CRYBA4: variants seen among roughly 807,000 people sequenced by gnomAD.
CRYBA4 encodes the protein beta-crystallin A4.
Under a neutral mutation model 31.7 loss-of-function variants are expected in CRYBA4, and 30 were observed. The observed-to-expected ratio is 0.95, with a 90% CI of 0.71 to 1.28. The LOEUF is 1.28. Ranked by LOEUF, CRYBA4 falls within the 50% of genes most tolerant of loss-of-function variation. The probability of loss-of-function intolerance (pLI) is 0.00; values close to 1 mark genes in which losing one functional copy is unlikely to be tolerated. For synonymous variants in CRYBA4, 102 were observed against 102.3 expected (o/e 1.00, Z 0.02); for missense variants, 225 against 260.7 (o/e 0.86, Z 0.94).
the CRYBA4 span, among the ~76,000 whole-genome samples, chr22:26,597,652 T>C: frequency 1.3e-5 from 2 of 152,156 alleles, no homozygotes; most frequent in African/African-American, 2.4e-5. Context: ...TCTGCATAGA[T>C]TAATGATTAA....
the CRYBA4 span, chr22:26,616,297 G>C: frequency 6.2e-7 from 1 of 1,613,830 alleles, no homozygotes. Context: ...GGCCGAGGCC[G>C]AGGCCTTTGC....
At chr22:26,596,241 G>A in the CRYBA4 span, among the ~76,000 whole-genome samples, 1 of 152,220 alleles carries the variant, frequency 6.6e-6, no homozygotes, top group South Asian at 2.1e-4. Context: ...GATTACAGGT[G>A]TGCACCACCA....
At chr22:26,621,889 T>G, upstream of CRYBA4, 1 of 791,466 alleles carries the variant, frequency 1.3e-6, no homozygotes, top group South Asian at 5.8e-5. Context: ...AGTTGCTGAG[T>G]CGGGGCTTTG....
At chr22:26,604,549 A>G in the CRYBA4 span, among the ~76,000 whole-genome samples, 44 of 152,336 alleles carry the variant, frequency 2.9e-4, no homozygotes, top group Non-Finnish European at 1.2e-4. Flanking sequence ...TTCATGGAAG[A>G]AGTGACACTA....
At chr22:26,609,013 C>T in the CRYBA4 span, among the ~76,000 whole-genome samples, 6 of 152,154 alleles carry the variant, frequency 3.9e-5, no homozygotes, top group South Asian at 2.1e-4. Context: ...TGTGGCAGTG[C>T]AGGTGGGGTA....
At chr22:26,625,105 G>A (rs967419604) in intron 3 of CRYBA4, among the ~76,000 whole-genome samples, 1 of 152,202 alleles carries the variant, frequency 6.6e-6, no homozygotes, top group Non-Finnish European at 1.5e-5. Context: ...GACACGGACG[G>A]AGGAGCAAGG....
At chr22:26,619,990 CTTTTTTTCTTTTCT>C (rs1417981201), upstream of CRYBA4, among the ~76,000 whole-genome samples, 12 of 143,412 alleles carry the variant, frequency 8.4e-5, no homozygotes, top group South Asian at 7.0e-4. Flanking sequence ...ATTTTCTTTT[CTTTTTTTCTTTTCT>C]TTTTTTTTTT....
the CRYBA4 span, among the ~76,000 whole-genome samples, chr22:26,600,295 G>T: frequency 6.6e-6 from 1 of 152,164 alleles, no homozygotes; most frequent in Admixed American, 6.5e-5. Context: ...CCAGCTACTC[G>T]GGAGACTGAA....
At chr22:26,608,650 T>G in the CRYBA4 span, among the ~76,000 whole-genome samples, 1 of 152,148 alleles carries the variant, frequency 6.6e-6, no homozygotes, top group Non-Finnish European at 1.5e-5. Flanking sequence ...TTTTAAAATG[T>G]GTTTATTTGT....
intron 5 of CRYBA4, among the ~76,000 whole-genome samples, chr22:26,628,785 TCATCGTTA>T (rs1929829035): frequency 1.3e-5 from 2 of 152,154 alleles, no homozygotes; most frequent in African/African-American, 4.8e-5. Flanking sequence ...GGTGGCGGCT[TCATCGTTA>T]CATCCAGCCC....
the CRYBA4 span, among the ~76,000 whole-genome samples, chr22:26,600,979 G>A: frequency 2.0e-5 from 3 of 152,342 alleles, no homozygotes; most frequent in African/African-American, 7.2e-5. Context: ...TTCCTTGAAG[G>A]TAGGAACTTG....
At chr22:26,608,068 T>G in the CRYBA4 span, 2 of 1,613,686 alleles carry the variant, frequency 1.2e-6, no homozygotes, top group Admixed American at 3.3e-5. Context: ...ATATGGTTAG[T>G]AGAAGCCCCC....
the CRYBA4 span, among the ~76,000 whole-genome samples, chr22:26,603,366 C>G: frequency 6.6e-6 from 1 of 151,606 alleles, no homozygotes; most frequent in Non-Finnish European, 1.5e-5. Flanking sequence ...CCCATCTCTA[C>G]TAAAAATGCA....
At chr22:26,599,635 T>G in the CRYBA4 span, 13 of 1,614,186 alleles carry the variant, frequency 8.1e-6, no homozygotes, top group Non-Finnish European at 1.0e-5. Context: ...TAGGAGGTAC[T>G]GGTACCCGCG....
At chr22:26,616,168 G>A in the CRYBA4 span, 38 of 1,614,070 alleles carry the variant, frequency 2.4e-5, no homozygotes, top group African/African-American at 2.3e-4. Context: ...CAGTTCCGCC[G>A]CCTTGGCGCT....
chr22:26,612,301 T>G, the CRYBA4 span: 3 of 719,284 alleles, frequency 4.2e-6, no homozygotes, highest in African/African-American at 1.8e-5. Context: ...AAAAGTGTGA[T>G]GAGCCACAGT....
At chr22:26,629,863 T>C (rs1358309365) in intron 5 of CRYBA4, among the ~76,000 whole-genome samples, 1 of 152,214 alleles carries the variant, frequency 6.6e-6, no homozygotes, top group African/African-American at 2.4e-5. Flanking sequence ...TGTTCACTTA[T>C]TCAGCAAATA....
the CRYBA4 span, among the ~76,000 whole-genome samples, chr22:26,614,150 G>A: frequency 2.3e-3 from 348 of 152,186 alleles, 1 homozygote; most frequent in African/African-American, 8.0e-3. Context: ...ATTTTGCCCC[G>A]GTCCTGTGAT....
the CRYBA4 span, among the ~76,000 whole-genome samples, chr22:26,594,419 A>G: frequency 2.9e-4 from 44 of 152,314 alleles, no homozygotes; most frequent in African/African-American, 1.0e-3. Flanking sequence ...TCCAATGTCT[A>G]AAAGATTACG....
Sources: allele counts gnomAD v4.1 joint callset (sites outside exome capture counted in the v4.1 genomes callset), GRCh38; gene constraint gnomAD v4.1.1; transcripts MANE v1.5; gene names NCBI Gene and HGNC (gene_info 2026-07-23, HGNC 2026-07-21).